Variants in RMND1 observed in about 807,000 individuals in gnomAD.
RMND1 encodes required for meiotic nuclear division 1 homolog, also known as required for meiotic nuclear division protein 1 homolog.
A neutral mutation model predicts 54.0 loss-of-function variants in RMND1; 41 were observed. That is an observed-to-expected ratio of 0.76 (90% CI 0.59 to 0.98). The LOEUF (loss-of-function observed/expected upper bound fraction) is 0.98. Ranked by LOEUF, RMND1 falls within the 50% of genes least tolerant of loss-of-function variation. The pLI, the probability that RMND1 is intolerant of heterozygous loss-of-function variation, is 0.00. For missense variants in RMND1, 457 were observed against 532.0 expected (o/e 0.86, Z 1.39); for synonymous variants, 183 against 181.7 (o/e 1.01, Z -0.06).
In RMND1 at chr6:151,447,216, C is replaced by A. The variant is rs185203863; in HGVS notation, c.-14-1391G>T. ...TGCAGGAGGTAAGGACCAAAAGAGC[C>A]GATGGCCAGATCACCAAAGGATATA... On this transcript the variant is annotated intron_variant, in intron 1 of 11. Coordinates refer to ENST00000444024, the MANE Select transcript of RMND1 (RefSeq NM_017909.4). Among the ~76,000 whole-genome samples, 3 of 152,058 alleles carry A rather than the reference C, an allele frequency of 2.0e-5. No individual in the cohort carries two copies. The East Asian group carries it at 5.8e-4, about 29-fold the overall frequency.
intron 10 of RMND1, among the ~76,000 whole-genome samples, chr6:151,410,883 C>G (rs1779811246): frequency 6.6e-6 from 1 of 152,100 alleles, no homozygotes; most frequent in African/African-American, 2.4e-5. Context: ...TAGATTCTTC[C>G]AGGTCTTCTA....
intron 10 of RMND1, 45 bp from the exon 11 acceptor site, chr6:151,405,881 A>G (rs993965541): frequency 1.0e-6 from 1 of 969,192 alleles, no homozygotes; most frequent in South Asian, 1.3e-5. Flanking sequence ...ACAATTTAAT[A>G]CGGTCATACA....
At chr6:151,423,447 C>T in intron 7 of RMND1, 78 bp downstream of exon 7, 3 of 904,154 alleles carry the variant, frequency 3.3e-6, no homozygotes, top group Non-Finnish European at 5.4e-6. Flanking sequence ...TGAAAATATA[C>T]CAAAATCGTG....
chr6:151,433,128 CCT>C, intron 4 of RMND1, 25 bp downstream of exon 4: 1 of 1,492,004 alleles, frequency 6.7e-7, no homozygotes, highest in Admixed American at 1.7e-5. Context: ...CCCATCATCA[CCT>C]AATGGGGTTT....
Position 151,445,365 on chromosome 6 carries a change from T to A in RMND1, c.447A>T (p.Lys149Asn). The change falls in exon 2 of 12, where the codon AAA (lysine) becomes AAT (asparagine). Residue 149 changes from lysine (K) to asparagine (N), a missense_variant. Transcript: ENST00000444024. ...TGGATGGCTGTCTGGTCCTGGATGC[T>A]TTTAGTGGTCTCTTCACCTGTGGGA... ...QDFPQVKRPL[K>N]ASRTRQPSRT... 1 of 1,613,892 alleles carries A rather than the reference T, an allele frequency of 6.2e-7. No homozygotes were observed. Among genetic ancestry groups the A allele is most frequent in the Non-Finnish European group, 8.5e-7 (1 of 1,179,856 alleles).
chr6:151,433,373 A>G (rs1780500337), intron 3 of RMND1, 143 bp from the exon 4 acceptor site: 1 of 485,318 alleles, frequency 2.1e-6, no homozygotes, highest in African/African-American at 2.0e-5. Context: ...CCATCTTTCT[A>G]CTAAGGCCTC....
intron 5 of RMND1, among the ~76,000 whole-genome samples, chr6:151,428,978 A>C (rs1349391813): frequency 6.6e-6 from 1 of 152,076 alleles, no homozygotes; most frequent in Admixed American, 6.6e-5. Flanking sequence ...TATTTTCTTA[A>C]ATTTATTGGT....
At chr6:151,435,875 C>T (rs1487579640) in intron 3 of RMND1, among the ~76,000 whole-genome samples, 6 of 150,442 alleles carry the variant, frequency 4.0e-5, no homozygotes, top group Non-Finnish European at 8.9e-5. Context: ...GAGGCCGAGG[C>T]GGGAGGATTA....
At chr6:151,406,986 C>T (rs1336513395) in intron 10 of RMND1, among the ~76,000 whole-genome samples, 2 of 151,942 alleles carry the variant, frequency 1.3e-5, no homozygotes, top group Non-Finnish European at 2.9e-5. Context: ...ACAGTGAAAC[C>T]CTGTCTCTAC....
rs1690278856 is a variant in RMND1, at chr6:151,445,633, C to T, written c.179G>A (p.Ser60Asn). 1 of 1,614,150 alleles carries T rather than the reference C, an allele frequency of 6.2e-7. No individual in the cohort carries two copies. The highest frequency in any genetic ancestry group is 8.5e-7 in the Non-Finnish European group (1 of 1,180,022). Residue 60 changes from serine (S) to asparagine (N), a missense_variant, in exon 2 of 12, where the codon AGT becomes AAT. Coordinates refer to ENST00000444024, the MANE Select transcript of RMND1 (RefSeq NM_017909.4). ...CAGGATCTGAGACTTATTCAAACCA[C>T]TAGCTGTTTTATCAGGAAGGAACAA... ...LDLFLPDKTA[S>N]GLNKSQILEM... is the part of the protein sequence containing the mutation.
At chr6:151,408,104 G>A (rs548603586) in intron 10 of RMND1, among the ~76,000 whole-genome samples, 45 of 152,146 alleles carry the variant, frequency 3.0e-4, no homozygotes, top group African/African-American at 9.6e-4. Flanking sequence ...GGGGTTATTG[G>A]GGGATGAAGG....
Position 151,405,240 on chromosome 6 carries a change from A to AAAAT in RMND1, c.1341_1344dup (p.Phe449IlefsTer6). On this transcript the variant is annotated frameshift_variant, in exon 12 of 12. Transcript: ENST00000444024. LOFTEE classifies it high-confidence loss of function. The stretch of plus-strand genomic sequence containing the variant: ...ACACTTTGGTTATCACTTGATCAGA[A>AAAAT]AAATACTCGTCCCAGCTCAAACATT... 6.2e-7 allele frequency: 1 copy of AAAAT among 1,613,012 alleles called. No homozygotes were observed. The highest frequency in any genetic ancestry group is 8.5e-7 in the Non-Finnish European group (1 of 1,179,036).
intron 2 of RMND1, among the ~76,000 whole-genome samples, chr6:151,442,486 T>C (rs1166625145): frequency 2.0e-5 from 3 of 152,198 alleles, no homozygotes; most frequent in African/African-American, 7.2e-5. Context: ...TCCTCTGCTG[T>C]TCTCTTCAAA....
At chr6:151,429,318 A>C (rs902384444) in intron 5 of RMND1, among the ~76,000 whole-genome samples, 32 of 152,076 alleles carry the variant, frequency 2.1e-4, no homozygotes, top group African/African-American at 7.7e-4. Context: ...CATGGGGTTC[A>C]CCATGTTGGC....
chr6:151,431,687 C>A (rs1467299908), intron 4 of RMND1, among the ~76,000 whole-genome samples: 1 of 151,870 alleles, frequency 6.6e-6, no homozygotes, highest in Non-Finnish European at 1.5e-5. Flanking sequence ...TGTAAGTGTA[C>A]AATACACAGC....
At chr6:151,410,592 C>G (rs911545931) in intron 10 of RMND1, among the ~76,000 whole-genome samples, 3 of 152,040 alleles carry the variant, frequency 2.0e-5, no homozygotes, top group African/African-American at 7.2e-5. Flanking sequence ...ATAACTCATG[C>G]AGAAGACTTA....
chr6:151,444,179 G>A (rs566292386), intron 2 of RMND1, among the ~76,000 whole-genome samples: 1 of 152,312 alleles, frequency 6.6e-6, no homozygotes, highest in Non-Finnish European at 1.5e-5. Flanking sequence ...GCTGCTAGAC[G>A]TTACAAATGA....
chr6:151,426,644 A>T (rs1339950363), intron 6 of RMND1, among the ~76,000 whole-genome samples: 1 of 152,140 alleles, frequency 6.6e-6, no homozygotes, highest in Non-Finnish European at 1.5e-5. Flanking sequence ...GAAACTTAAC[A>T]TTTCCATTTT....
At chr6:151,413,852 CT>C (rs1779926752) in intron 10 of RMND1, 1 of 152,154 alleles carries the variant, frequency 6.6e-6, no homozygotes, top group Admixed American at 6.5e-5. Flanking sequence ...AGCAACATAG[CT>C]TGGTTTTCTT....
Sources: allele counts gnomAD v4.1 joint callset (sites outside exome capture counted in the v4.1 genomes callset), GRCh38; gene constraint gnomAD v4.1.1; transcripts MANE v1.5; gene names NCBI Gene and HGNC (gene_info 2026-07-23, HGNC 2026-07-21).